Variants in HHIP observed in about 807,000 individuals in gnomAD.
HHIP encodes hedgehog-interacting protein.
A neutral mutation model predicts 74.0 loss-of-function variants in HHIP; 12 were observed. That is an observed-to-expected ratio of 0.16 (90% CI 0.10 to 0.26). HHIP has a LOEUF of 0.26. Among genes scored for constraint, HHIP ranks in the 10% least tolerant of loss-of-function variants. The pLI is 1.00. For synonymous variants in HHIP, 309 were observed against 311.6 expected (o/e 0.99, Z 0.09); for missense variants, 788 against 845.0 (o/e 0.93, Z 0.84).
intron 12 of HHIP, among the ~76,000 whole-genome samples, chr4:144,735,523 G>A (rs895898130): frequency 2.0e-5 from 3 of 152,088 alleles, no homozygotes; most frequent in African/African-American, 7.2e-5. Flanking sequence ...TCAATTATGT[G>A]CAATGATGCT....
At chr4:144,725,691 A>T (rs1460874345) in intron 11 of HHIP, among the ~76,000 whole-genome samples, 2 of 151,940 alleles carry the variant, frequency 1.3e-5, no homozygotes, top group Non-Finnish European at 2.9e-5. Context: ...TGTTTGAGAC[A>T]GAGTTTTGTT....
intron 1 of HHIP, 147 bp from the exon 2 acceptor site, chr4:144,652,457 AT>A: frequency 1.7e-6 from 1 of 603,434 alleles, no homozygotes; most frequent in Non-Finnish European, 2.9e-6. Flanking sequence ...TTATAAAGGC[AT>A]TCTGTATTGT....
intron 12 of HHIP, among the ~76,000 whole-genome samples, chr4:144,735,200 C>A (rs1386866620): frequency 6.6e-6 from 1 of 152,150 alleles, no homozygotes; most frequent in Non-Finnish European, 1.5e-5. Context: ...GTCCTGGGTT[C>A]TGAAATTTCA....
intron 11 of HHIP, among the ~76,000 whole-genome samples, chr4:144,734,379 G>C (rs1246715374): frequency 1.3e-5 from 2 of 151,980 alleles, no homozygotes; most frequent in East Asian, 3.9e-4. Flanking sequence ...TAGATATAGG[G>C]TGAAAAGTTT....
intron 4 of HHIP, among the ~76,000 whole-genome samples, chr4:144,671,178 C>T (rs575918702): frequency 1.3e-5 from 2 of 152,252 alleles, no homozygotes; most frequent in African/African-American, 2.4e-5. Context: ...TATTTACACC[C>T]GAGGTGTCTA....
chr4:144,729,340 G>A (rs936026581), intron 11 of HHIP, among the ~76,000 whole-genome samples: 2 of 152,124 alleles, frequency 1.3e-5, no homozygotes, highest in Admixed American at 6.6e-5. Flanking sequence ...TGTGGCATTC[G>A]AAGACTGCCT....
chr4:144,692,601 T>G (rs1004779855), intron 4 of HHIP, among the ~76,000 whole-genome samples: 1 of 152,176 alleles, frequency 6.6e-6, no homozygotes, highest in African/African-American at 2.4e-5. Flanking sequence ...CCCTGAATTC[T>G]TTCCCGTAAC....
rs80232535 is a variant in HHIP, at chr4:144,731,280, C to T, written c.1761-3461C>T. On this transcript the variant is annotated intron_variant, in intron 11 of 12. Coordinates refer to ENST00000296575, the MANE Select transcript of HHIP (RefSeq NM_022475.3). ...ATTCATTCAATAGATTTCTATTAAC[C>T]ATCTTCCATGTGCAACACATTCTTC... 4.8e-3 allele frequency among the ~76,000 whole-genome samples: 735 copies of T among 152,200 alleles called. 10 individuals are homozygous for T. Among genetic ancestry groups the T allele is most frequent in the African/African-American group, 0.017 (693 of 41,512 alleles).
intron 4 of HHIP, among the ~76,000 whole-genome samples, chr4:144,666,476 C>T (rs1728866369): frequency 6.6e-6 from 1 of 152,114 alleles, no homozygotes; most frequent in Admixed American, 6.5e-5. Context: ...CTTCTGGAAT[C>T]CCTGTCAGGT....
chr4:144,676,818 G>GT (rs1397991309), intron 4 of HHIP, among the ~76,000 whole-genome samples: 1 of 152,202 alleles, frequency 6.6e-6, no homozygotes, highest in Non-Finnish European at 1.5e-5. Flanking sequence ...GATGTATGCC[G>GT]TAAGGAAGGT....
In HHIP at chr4:144,715,443, C is replaced by G. The variant is rs1476180765; in HGVS notation, c.1678+13C>G. ...GAAGATGAACTAGGTACTGTACAATCTAGTTCTGTTAAGTTTCATTCTCAC... is the reference window on the plus strand; with the variant it reads ...GAAGATGAACTAGGTACTGTACAATGTAGTTCTGTTAAGTTTCATTCTCAC... On this transcript the variant is annotated intron_variant, in intron 10 of 12. Transcript: ENST00000296575. 6.2e-7 allele frequency: 1 copy of G among 1,606,462 alleles called. No homozygotes were observed. Among genetic ancestry groups the G allele is most frequent in the Admixed American group, 1.7e-5 (1 of 59,400 alleles).
At position 144,741,118 on chromosome 4, in the gene HHIP, T is replaced by G. The variant is rs1731251996; in HGVS notation, c.*3161T>G. On this transcript the variant is annotated 3_prime_UTR_variant, in exon 13 of 13. Coordinates refer to ENST00000296575, the MANE Select transcript of HHIP (RefSeq NM_022475.3). ...CATCCATAACTTTTCTTCTTGGATT[T>G]TTTTCAATGTAATTATTGTAAAATA... 1 of 138,232 alleles carries G rather than the reference T, an allele frequency of 7.2e-6. No homozygotes were observed. The highest frequency in any genetic ancestry group is 1.5e-5 in the Non-Finnish European group (1 of 64,942). The allele number at this position is 138,232 out of a possible 1,614,324, so 8.6% of individuals were successfully genotyped here.
Position 144,652,640 on chromosome 4 carries a change from G to A in HHIP, c.315G>A (p.Lys105=), listed in dbSNP as rs1368529651. The A allele has an allele frequency of 6.2e-7, 1 of 1,610,318 alleles. No individual in the cohort carries two copies. Among genetic ancestry groups the A allele is most frequent in the Non-Finnish European group, 8.5e-7 (1 of 1,178,216 alleles). The change falls in exon 2 of 13, where the codon AAG becomes AAA. Residue 105 remains lysine (K), a synonymous_variant. Transcript: ENST00000296575. ...FSVTNNTECG[K]LLEEIKCALC... ...TTACCAACAACACAGAATGTGGGAA[G>A]TTACTGGAGGAAATCAAATGTGCAC...
chr4:144,647,388 T>C (rs1015438583), intron 1 of HHIP, among the ~76,000 whole-genome samples: 12 of 152,330 alleles, frequency 7.9e-5, no homozygotes, highest in Non-Finnish European at 1.3e-4. Flanking sequence ...AGGGAGAGGA[T>C]TGAATCGTAA....
intron 4 of HHIP, among the ~76,000 whole-genome samples, chr4:144,669,040 A>C (rs1728960248): frequency 6.6e-6 from 1 of 150,790 alleles, no homozygotes; most frequent in Non-Finnish European, 1.5e-5. Context: ...ATTTATATGC[A>C]ATAAGTATGT....
chr4:144,724,134 C>T (rs1322742396), intron 11 of HHIP, among the ~76,000 whole-genome samples: 27 of 152,122 alleles, frequency 1.8e-4, no homozygotes. Context: ...TAGATGGTAG[C>T]AGCCTGAGTA....
rs1313761303 is a variant in HHIP at position 144,680,334 on chromosome 4, T to C, written c.831+20496T>C. On this transcript the variant is annotated intron_variant, in intron 4 of 12. Transcript: ENST00000296575. ...GAAAGTTTAAATAACCTTTCTGCTT[T>C]ATTTCACCACCTTGACCCCTTGTCA... Among the ~76,000 whole-genome samples, 3 of 152,224 alleles carry C rather than the reference T, an allele frequency of 2.0e-5. No homozygotes were observed. In the East Asian group the frequency reaches 5.8e-4, roughly 29 times the overall value.
At chr4:144,671,023 G>A (rs190853529) in intron 4 of HHIP, among the ~76,000 whole-genome samples, 74 of 152,190 alleles carry the variant, frequency 4.9e-4, no homozygotes, top group Admixed American at 2.7e-3. Context: ...CCCTAGACTG[G>A]ACTCAAGCCT....
At chr4:144,704,578 C>T (rs7654947) in intron 4 of HHIP, among the ~76,000 whole-genome samples, 86,305 of 152,022 alleles carry the variant, frequency 0.57, 24,715 homozygotes, top group South Asian at 0.76. Context: ...CAGCACAGTT[C>T]TGAAGCATGT....
Sources: allele counts gnomAD v4.1 joint callset (sites outside exome capture counted in the v4.1 genomes callset), GRCh38; gene constraint gnomAD v4.1.1; transcripts MANE v1.5; gene names NCBI Gene and HGNC (gene_info 2026-07-23, HGNC 2026-07-21).